PCDH9: variants seen among roughly 807,000 people sequenced by gnomAD.
PCDH9 encodes the protein protocadherin-9.
A neutral mutation model predicts 70.6 loss-of-function variants in PCDH9; 24 were observed. The observed-to-expected ratio is 0.34, with a 90% confidence interval of 0.25 to 0.48. The LOEUF (loss-of-function observed/expected upper bound fraction) is 0.48. Ranked by LOEUF, PCDH9 falls within the 20% of genes least tolerant of loss-of-function variation. PCDH9 has a pLI of 0.99. For missense variants in PCDH9, 1,281 were observed against 1,503.6 expected, an observed-to-expected ratio of 0.85 and a Z score of 2.45; for synonymous variants, 562 against 558.5, an observed-to-expected ratio of 1.01 and a Z score of -0.09.
intron 3 of PCDH9, among the ~76,000 whole-genome samples, chr13:66,644,520 T>C (rs2077747533): frequency 6.6e-6 from 1 of 151,958 alleles, no homozygotes; most frequent in African/African-American, 2.4e-5. Flanking sequence ...TTTCAAATCA[T>C]TTAAATGATA....
chr13:66,709,183 C>T (rs1277868143), intron 3 of PCDH9, among the ~76,000 whole-genome samples: 2 of 152,270 alleles, frequency 1.3e-5, no homozygotes, highest in African/African-American at 4.8e-5. Context: ...ATATTTCCTA[C>T]ACTGCTATTA....
At chr13:66,814,284 T>A (rs1235151635) in intron 3 of PCDH9, among the ~76,000 whole-genome samples, 1 of 152,162 alleles carries the variant, frequency 6.6e-6, no homozygotes, top group African/African-American at 2.4e-5. Context: ...CATGGAAATT[T>A]AAGCTCCAGC....
At chr13:66,413,844 G>A (rs1439008579) in intron 4 of PCDH9, among the ~76,000 whole-genome samples, 1 of 152,010 alleles carries the variant, frequency 6.6e-6, no homozygotes, top group Non-Finnish European at 1.5e-5. Flanking sequence ...CTGTGACTTA[G>A]GAAAGACCAG....
rs529532528 is a variant in PCDH9, at chr13:67,222,270, G to A, written c.3036+3135C>T. 3.8e-5 allele frequency: 5 copies of A among 132,778 alleles called. No homozygotes were observed. In the East Asian group the frequency reaches 8.9e-4, roughly 24 times the overall value. The allele number at this position is 132,778 out of a possible 1,614,324, so 8.2% of individuals were successfully genotyped here. ...TTTTTTTTTTTTACAAATAATTACC[G>A]AGACATGACCTTTTGCCAAAAAAAA... On this transcript the variant is annotated intron_variant, in intron 2 of 4. Transcript: ENST00000377865.
intron 4 of PCDH9, among the ~76,000 whole-genome samples, chr13:66,597,321 C>T (rs189325081): frequency 4.0e-5 from 6 of 151,776 alleles, no homozygotes; most frequent in Admixed American, 4.0e-4. Context: ...ATATTCCTGA[C>T]TTCAAAATAA....
chr13:67,027,381 C>A (rs1349004078), intron 2 of PCDH9, among the ~76,000 whole-genome samples: 1 of 152,170 alleles, frequency 6.6e-6, no homozygotes, highest in African/African-American at 2.4e-5. Context: ...AAAGCTGAAA[C>A]TGGATCCCTT....
At chr13:66,634,074 G>C (rs996142201) in intron 3 of PCDH9, among the ~76,000 whole-genome samples, 10 of 152,130 alleles carry the variant, frequency 6.6e-5, no homozygotes, top group Non-Finnish European at 1.2e-4. Context: ...TTATAAGTGA[G>C]AATAAGAAAA....
chr13:66,570,639 A>C (rs2076721033), intron 4 of PCDH9, among the ~76,000 whole-genome samples: 1 of 152,144 alleles, frequency 6.6e-6, no homozygotes, highest in African/African-American at 2.4e-5. Flanking sequence ...TTATAGAAGA[A>C]GATGCATAGT....
chr13:67,159,188 C>A (rs553087793), intron 2 of PCDH9, among the ~76,000 whole-genome samples: 2 of 152,248 alleles, frequency 1.3e-5, no homozygotes, highest in South Asian at 4.1e-4. Flanking sequence ...GAACTCTAGG[C>A]AAGAGGGTTG....
In PCDH9 at chr13:66,895,396, T is replaced by C. The variant is rs541577134; in HGVS notation, c.3138+8108A>G. On this transcript the variant is annotated intron_variant, in intron 3 of 4. Transcript: ENST00000377865. Reference sequence around the variant, plus strand: ...GAATAGTAACTTTATATTTTTAGCTTTGCCATGTCTACACCCTTCTCACAT... The same window carrying C: ...GAATAGTAACTTTATATTTTTAGCTCTGCCATGTCTACACCCTTCTCACAT... 2.0e-5 allele frequency among the ~76,000 whole-genome samples: 3 copies of C among 152,254 alleles called. No homozygotes were observed. In the East Asian group the frequency reaches 5.8e-4, roughly 29 times the overall value.
chr13:66,960,186 A>G (rs185770751), intron 2 of PCDH9, among the ~76,000 whole-genome samples: 3 of 152,352 alleles, frequency 2.0e-5, no homozygotes, highest in African/African-American at 7.2e-5. Flanking sequence ...ATTTAATTTC[A>G]AACAGAGCTT....
intron 4 of PCDH9, among the ~76,000 whole-genome samples, chr13:66,617,555 C>T (rs558083366): frequency 1.3e-5 from 2 of 152,262 alleles, no homozygotes; most frequent in East Asian, 3.9e-4. Flanking sequence ...AACTGGTTGA[C>T]TTAGGATTGG....
At chr13:66,446,129 T>C (rs1216392249) in intron 4 of PCDH9, among the ~76,000 whole-genome samples, 1 of 152,064 alleles carries the variant, frequency 6.6e-6, no homozygotes, top group Non-Finnish European at 1.5e-5. Flanking sequence ...GTGATGTGTG[T>C]ATGTATGTAT....
At chr13:66,971,532 A>T (rs947765030) in intron 2 of PCDH9, among the ~76,000 whole-genome samples, 1 of 151,996 alleles carries the variant, frequency 6.6e-6, no homozygotes, top group Non-Finnish European at 1.5e-5. Context: ...TATTCTGATT[A>T]TTCGATTTAT....
chr13:67,116,090 AAT>A (rs1371462476), intron 2 of PCDH9, among the ~76,000 whole-genome samples: 2 of 152,188 alleles, frequency 1.3e-5, no homozygotes, highest in African/African-American at 4.8e-5. Flanking sequence ...TTTTAAAATC[AAT>A]ATGTCTTTGA....
At chr13:66,677,228 A>G (rs1196857347) in intron 3 of PCDH9, among the ~76,000 whole-genome samples, 1 of 152,100 alleles carries the variant, frequency 6.6e-6, no homozygotes, top group Non-Finnish European at 1.5e-5. Flanking sequence ...TCAATGGGAA[A>G]TTTCATTTTA....
intron 2 of PCDH9, among the ~76,000 whole-genome samples, chr13:67,009,917 C>T (rs2084422676): frequency 6.6e-6 from 1 of 151,830 alleles, no homozygotes; most frequent in Admixed American, 6.6e-5. Context: ...AAGAAATGTC[C>T]TACCAGCCTT....
chr13:66,645,965 C>T (rs1428859810), intron 3 of PCDH9, among the ~76,000 whole-genome samples: 1 of 152,192 alleles, frequency 6.6e-6, no homozygotes, highest in Admixed American at 6.5e-5. Context: ...ACTTGGCTTA[C>T]ACTGGGAGGC....
At chr13:67,149,269 G>A (rs2087600587) in intron 2 of PCDH9, among the ~76,000 whole-genome samples, 1 of 152,086 alleles carries the variant, frequency 6.6e-6, no homozygotes, top group African/African-American at 2.4e-5. Flanking sequence ...ACAAAGACAT[G>A]GGCTCCTGTT....
Sources: gnomAD v4.1 joint callset for allele counts (sites outside exome capture counted in the v4.1 genomes callset) on GRCh38, gnomAD v4.1.1 for gene constraint, MANE v1.5 for transcripts, NCBI Gene and HGNC (gene_info 2026-07-23, HGNC 2026-07-21) for gene names.